Variants in OSBPL10 observed in about 807,000 individuals in gnomAD.
OSBPL10 encodes the protein oxysterol binding protein like 10.
OSBPL10 carries 49 observed loss-of-function variants against 81.7 expected under a neutral mutation model. The observed-to-expected ratio is 0.60, with a 90% CI of 0.48 to 0.76. The LOEUF is 0.76. OSBPL10 is among the 30% of genes least tolerant of loss of function. The probability of loss-of-function intolerance (pLI) is 0.00; values close to 1 mark genes in which losing one functional copy is unlikely to be tolerated. For synonymous variants in OSBPL10, 419 were observed against 383.6 expected (o/e 1.09, Z -1.08); for missense variants, 923 against 987.8 (o/e 0.93, Z 0.88).
intron 4 of OSBPL10, among the ~76,000 whole-genome samples, chr3:31,809,238 T>C (rs1332436492): frequency 6.6e-6 from 1 of 152,142 alleles, no homozygotes; most frequent in Non-Finnish European, 1.5e-5. Context: ...TAAAAGAATA[T>C]ATTTAGATTT....
intron 3 of OSBPL10, among the ~76,000 whole-genome samples, chr3:31,864,913 T>C (rs1021375488): frequency 2.6e-5 from 4 of 151,954 alleles, no homozygotes; most frequent in African/African-American, 7.3e-5. Flanking sequence ...CGTGAACAAG[T>C]AGCTGACCCG....
intron 1 of OSBPL10, among the ~76,000 whole-genome samples, chr3:31,926,763 C>A (rs528113519): frequency 4.6e-5 from 7 of 152,188 alleles, no homozygotes; most frequent in African/African-American, 1.7e-4. Flanking sequence ...GACACAGCAC[C>A]TATGCAGCAG....
intron 4 of OSBPL10, among the ~76,000 whole-genome samples, chr3:31,808,808 T>C (rs1699589020): frequency 6.6e-6 from 1 of 152,278 alleles, no homozygotes; most frequent in Non-Finnish European, 1.5e-5. Context: ...TCCACTAGAA[T>C]TTAAACTTTT....
At chr3:31,789,648 C>G (rs1698962529) in intron 4 of OSBPL10, among the ~76,000 whole-genome samples, 1 of 152,158 alleles carries the variant, frequency 6.6e-6, no homozygotes, top group South Asian at 2.1e-4. Context: ...AGAGCCCAGG[C>G]AGGGGGAGCA....
chr3:31,970,171 C>T (rs996765756), intron 1 of OSBPL10, among the ~76,000 whole-genome samples: 15 of 152,296 alleles, frequency 9.8e-5, no homozygotes, highest in East Asian at 3.9e-4. Context: ...TGCGATTCTA[C>T]CTGCATCAAT....
At chr3:32,031,948 A>G (rs993975382) in intron 2 of OSBPL10, among the ~76,000 whole-genome samples, 21 of 152,180 alleles carry the variant, frequency 1.4e-4, no homozygotes, top group South Asian at 1.0e-3. Context: ...AATTAAACCC[A>G]GATATTTAGG....
intron 4 of OSBPL10, among the ~76,000 whole-genome samples, chr3:31,812,718 A>G (rs190710450): frequency 0.02 from 840 of 41,832 alleles, 21 homozygotes; most frequent in Middle Eastern, 0.054. Flanking sequence ...TAGGCAAAAA[A>G]AAAGAAAGAA....
At chr3:32,036,205 G>A (rs775655653) in intron 2 of OSBPL10, among the ~76,000 whole-genome samples, 2 of 152,062 alleles carry the variant, frequency 1.3e-5, no homozygotes, top group South Asian at 2.1e-4. Flanking sequence ...GTGACACCAC[G>A]CCCGGCTAAT....
intron 6 of OSBPL10, among the ~76,000 whole-genome samples, chr3:31,719,244 A>C (rs1325078174): frequency 6.6e-6 from 1 of 152,206 alleles, no homozygotes; most frequent in African/African-American, 2.4e-5. Context: ...TACAGTGGGG[A>C]CGTAATCATG....
chr3:31,840,044 C>T (rs1221591143), intron 3 of OSBPL10, among the ~76,000 whole-genome samples: 5 of 151,022 alleles, frequency 3.3e-5, no homozygotes. Context: ...TGAAGATGGG[C>T]TTTTCATGAT....
chr3:31,736,821 G>A (rs1697189266), intron 5 of OSBPL10, among the ~76,000 whole-genome samples: 1 of 152,132 alleles, frequency 6.6e-6, no homozygotes, highest in Non-Finnish European at 1.5e-5. Flanking sequence ...GATCACTTGA[G>A]CCCAGGAGTT....
At chr3:31,965,928 A>C (rs1243512989) in intron 1 of OSBPL10, among the ~76,000 whole-genome samples, 2 of 106,342 alleles carry the variant, frequency 1.9e-5, no homozygotes, top group African/African-American at 6.8e-5. Context: ...TATATAATAT[A>C]TATTATATAA....
chr3:31,699,029 G>GC (rs1695811753), intron 7 of OSBPL10, among the ~76,000 whole-genome samples: 1 of 152,174 alleles, frequency 6.6e-6, no homozygotes, highest in South Asian at 2.1e-4. Flanking sequence ...TCTGGCATGT[G>GC]CAGTGCTCAA....
intron 2 of OSBPL10, among the ~76,000 whole-genome samples, chr3:32,040,033 G>A (rs1363664581): frequency 1.3e-5 from 2 of 152,178 alleles, no homozygotes; most frequent in African/African-American, 4.8e-5. Flanking sequence ...GACAAAGTTT[G>A]GCAGTTCGTC....
intron 2 of OSBPL10, among the ~76,000 whole-genome samples, chr3:32,045,024 G>T (rs2125561284): frequency 6.6e-6 from 1 of 152,288 alleles, no homozygotes; most frequent in South Asian, 2.1e-4. Context: ...AAATTAATTT[G>T]CAGTGTGAGA....
At chr3:31,734,975 A>G (rs78539507) in intron 5 of OSBPL10, among the ~76,000 whole-genome samples, 15,776 of 152,294 alleles carry the variant, frequency 0.1, 1,573 homozygotes, top group African/African-American at 0.27. Flanking sequence ...CATTCCTGAC[A>G]TATCCCCAGG....
chr3:31,926,346 A>G (rs2125713148), intron 1 of OSBPL10, among the ~76,000 whole-genome samples: 1 of 144,730 alleles, frequency 6.9e-6, no homozygotes, highest in Non-Finnish European at 1.5e-5. Context: ...ATAACCAGAG[A>G]AGATGCCATT....
chr3:31,729,990 T>C (rs1696920486), intron 6 of OSBPL10, among the ~76,000 whole-genome samples: 1 of 152,130 alleles, frequency 6.6e-6, no homozygotes, highest in South Asian at 2.1e-4. Context: ...ACTCCAACTG[T>C]AAGAAAGTCT....
chr3:31,664,117 G>A lies in OSBPL10; in HGVS notation c.2212C>T (p.Leu738Phe). 1.9e-6 allele frequency: 3 copies of A among 1,614,062 alleles called. No homozygotes were observed. The highest frequency in any genetic ancestry group is 2.5e-6 in the Non-Finnish European group (3 of 1,180,028). Reference sequence around the variant, plus strand: ...TATTTGGGCTTCCATGGTGTGCGGAGGTTCTCGCGCTTCCGTTCCTCCACC... The same window carrying A: ...TATTTGGGCTTCCATGGTGTGCGGAAGTTCTCGCGCTTCCGTTCCTCCACC... ...QRVEERKREN[L>F]RTPWKPKYFI... is the part of the protein sequence containing the mutation. The change falls in exon 11 of 12, where the codon CTC (leucine) becomes TTC (phenylalanine). Residue 738 changes from leucine (L) to phenylalanine (F), a missense_variant. Around this residue, in one of 3 missense-constraint regions of OSBPL10, gnomAD observed 387 missense variants for 436.3 expected, o/e 0.89. Transcript: ENST00000396556.
Sources: gnomAD v4.1 joint callset for allele counts (sites outside exome capture counted in the v4.1 genomes callset) on GRCh38, gnomAD v4.1.1 for gene constraint, gnomAD v4.1.1 regional missense constraint, MANE v1.5 for transcripts, NCBI Gene and HGNC (gene_info 2026-07-23, HGNC 2026-07-21) for gene names.